Variants in CEP63 observed in about 807,000 individuals in gnomAD.
CEP63 encodes the protein centrosomal protein of 63 kDa.
CEP63 carries 84 observed loss-of-function variants against 89.1 expected under a neutral mutation model. The observed-to-expected ratio is 0.94, with a 90% CI of 0.79 to 1.13. CEP63 has a LOEUF of 1.13. Ranked by LOEUF, CEP63 falls within the 50% of genes most tolerant of loss-of-function variation. CEP63 has a pLI of 0.00. For missense variants in CEP63, 838 were observed against 813.3 expected (o/e 1.03, Z -0.37); for synonymous variants, 267 against 272.5 (o/e 0.98, Z 0.20).
At chr3:134,635,680 C>T in the CEP63 span, among the ~76,000 whole-genome samples, 1 of 152,010 alleles carries the variant, frequency 6.6e-6, no homozygotes, top group South Asian at 2.1e-4. Flanking sequence ...CAAATCTATG[C>T]ATGTGTTAGC....
At position 134,510,701 on chromosome 3, in the gene CEP63, G is replaced by A. The variant is rs151319400; in HGVS notation, c.222+3415G>A. Reference sequence around the variant, plus strand: ...GCTTGTCTAGCATGAAACTGGAGGTGAACCCAACCATCTGTATCTGCAGGG... The same window carrying A: ...GCTTGTCTAGCATGAAACTGGAGGTAAACCCAACCATCTGTATCTGCAGGG... On this transcript the variant is annotated intron_variant, in intron 3 of 14. Transcript: ENST00000675561. 623 of 552,928 alleles carry A rather than the reference G, an allele frequency of 1.1e-3. 5 individuals carry two copies. Among genetic ancestry groups the A allele is most frequent in the African/African-American group, 0.011 (568 of 52,078 alleles). The allele number at this position is 552,928 out of a possible 1,614,324, so 34.3% of individuals were successfully genotyped here.
chr3:134,661,497 C>G, the CEP63 span, among the ~76,000 whole-genome samples: 1 of 152,310 alleles, frequency 6.6e-6, no homozygotes, highest in East Asian at 1.9e-4. Flanking sequence ...ACGAATCTCT[C>G]TCATGTAGTT....
chr3:134,708,085 T>C, the CEP63 span, among the ~76,000 whole-genome samples: 1 of 152,216 alleles, frequency 6.6e-6, no homozygotes, highest in Non-Finnish European at 1.5e-5. Flanking sequence ...GCAGCACTTA[T>C]AATGCCATTG....
At chr3:134,519,024 AC>A (rs199781798) in intron 3 of CEP63, among the ~76,000 whole-genome samples, 1 of 149,026 alleles carries the variant, frequency 6.7e-6, no homozygotes, top group African/African-American at 2.4e-5. Context: ...CCATGTACCC[AC>A]CCCCCCACCA....
At chr3:134,720,090 T>C in the CEP63 span, among the ~76,000 whole-genome samples, 1 of 152,142 alleles carries the variant, frequency 6.6e-6, no homozygotes, top group African/African-American at 2.4e-5. Context: ...CAACCAGCAA[T>C]GTATGAGGGT....
the CEP63 span, among the ~76,000 whole-genome samples, chr3:134,732,077 T>C: frequency 1.3e-5 from 2 of 152,036 alleles, no homozygotes; most frequent in Admixed American, 1.3e-4. Context: ...AAGCTTAAGT[T>C]AGAGAAGAAA....
intron 6 of CEP63, among the ~76,000 whole-genome samples, chr3:134,542,777 A>G (rs995940866): frequency 1.3e-5 from 2 of 152,048 alleles, no homozygotes; most frequent in African/African-American, 4.8e-5. Flanking sequence ...TTTCAGTTTC[A>G]GTCTCCCTGA....
the CEP63 span, among the ~76,000 whole-genome samples, chr3:134,720,514 G>C: frequency 6.6e-6 from 1 of 152,028 alleles, no homozygotes; most frequent in Admixed American, 6.6e-5. Context: ...TGCTTTTGGT[G>C]TCATACATAA....
At chr3:134,739,698 T>C in the CEP63 span, among the ~76,000 whole-genome samples, 1 of 141,450 alleles carries the variant, frequency 7.1e-6, no homozygotes, top group Middle Eastern at 3.6e-3. Context: ...TGCAAATCAA[T>C]GCTTGTTTTT....
the CEP63 span, among the ~76,000 whole-genome samples, chr3:134,611,535 C>T: frequency 2.6e-5 from 4 of 152,246 alleles, no homozygotes; most frequent in Non-Finnish European, 5.9e-5. Context: ...AAAAGGTTCC[C>T]CTTCCTCAAG....
chr3:134,633,287 A>AG, the CEP63 span, among the ~76,000 whole-genome samples: 15 of 152,124 alleles, frequency 9.9e-5, no homozygotes, highest in Admixed American at 6.5e-5. Context: ...ATCAACACAA[A>AG]GACAGCAAAA....
the CEP63 span, among the ~76,000 whole-genome samples, chr3:134,726,936 T>A: frequency 0.014 from 2,116 of 152,170 alleles, 24 homozygotes; most frequent in South Asian, 0.029. Flanking sequence ...ACTTATTTTT[T>A]AAAAGCTACT....
At chr3:134,489,686 C>T (rs1032654338) in intron 1 of CEP63, among the ~76,000 whole-genome samples, 6 of 152,050 alleles carry the variant, frequency 3.9e-5, no homozygotes, top group African/African-American at 1.4e-4. Flanking sequence ...AAGAACTTTC[C>T]CTTTCCAGCT....
the CEP63 span, chr3:134,603,368 C>G: frequency 2.0e-6 from 1 of 496,328 alleles, no homozygotes; most frequent in Non-Finnish European, 3.5e-6. Context: ...AGAGCCACTG[C>G]CTCTGCCCCC....
At chr3:134,610,229 G>C in the CEP63 span, 1 of 1,613,834 alleles carries the variant, frequency 6.2e-7, no homozygotes, top group Non-Finnish European at 8.5e-7. Flanking sequence ...GTGTCCACCA[G>C]GCCGCTGCCC....
At chr3:134,488,182 C>A (rs1354472678) in intron 1 of CEP63, 3 of 152,150 alleles carry the variant, frequency 2.0e-5, no homozygotes, top group African/African-American at 7.2e-5. Flanking sequence ...GGGCACGAAC[C>A]CTATTGTAAA....
At chr3:134,488,329 G>C (rs532225295) in intron 1 of CEP63, among the ~76,000 whole-genome samples, 2 of 152,242 alleles carry the variant, frequency 1.3e-5, no homozygotes, top group African/African-American at 4.8e-5. Context: ...TGAAGAAGTG[G>C]TTGGCCGGGC....
chr3:134,689,043 G>C, the CEP63 span, among the ~76,000 whole-genome samples: 2 of 152,194 alleles, frequency 1.3e-5, no homozygotes, highest in African/African-American at 4.8e-5. Context: ...AAGGTGTTTA[G>C]TGATGGTTGG....
chr3:134,525,177 T>G (rs1948379346), intron 3 of CEP63, among the ~76,000 whole-genome samples: 1 of 152,192 alleles, frequency 6.6e-6, no homozygotes, highest in Admixed American at 6.5e-5. Flanking sequence ...ATAGAGGTGT[T>G]TATAGTATTC....
Sources: gnomAD v4.1 joint callset for allele counts (sites outside exome capture counted in the v4.1 genomes callset) on GRCh38, gnomAD v4.1.1 for gene constraint, MANE v1.5 for transcripts, NCBI Gene and HGNC (gene_info 2026-07-23, HGNC 2026-07-21) for gene names.